SUZ12: variants seen among roughly 807,000 people sequenced by gnomAD.
SUZ12 encodes SUZ12 polycomb repressive complex 2 subunit.
In SUZ12, 17 loss-of-function variants were observed where a neutral mutation model predicts 87.3. The ratio of observed to expected loss-of-function variants is 0.19; its 90% CI spans 0.13 to 0.29. The LOEUF (loss-of-function observed/expected upper bound fraction) is 0.29, where lower values mean the gene tolerates loss of function less well. Ranked by LOEUF, SUZ12 falls within the 10% of genes least tolerant of loss-of-function variation. The probability of loss-of-function intolerance (pLI) is 1.00; values close to 1 mark genes in which losing one functional copy is unlikely to be tolerated. For synonymous variants in SUZ12, 253 were observed against 312.4 expected, an observed-to-expected ratio of 0.81 and a Z score of 2.01; for missense variants, 526 against 912.2, an observed-to-expected ratio of 0.58 and a Z score of 5.45.
intron 1 of SUZ12, 93 bp downstream of exon 1, chr17:31,937,613 C>T: frequency 6.7e-7 from 1 of 1,485,962 alleles, no homozygotes; most frequent in East Asian, 2.6e-5. Context: ...CCTCGGGAGT[C>T]CACTTGTGTG....
chr17:31,964,572 A>G (rs1314529950), intron 4 of SUZ12, among the ~76,000 whole-genome samples: 1 of 151,414 alleles, frequency 6.6e-6, no homozygotes, highest in Non-Finnish European at 1.5e-5. Context: ...ATACCCAGCT[A>G]ATTTTTGTAT....
chr17:31,938,796 G>A (rs1906096718), intron 1 of SUZ12, among the ~76,000 whole-genome samples: 1 of 152,162 alleles, frequency 6.6e-6, no homozygotes, highest in Non-Finnish European at 1.5e-5. Flanking sequence ...AGTTCTTTCT[G>A]AATGTTAAGA....
intron 2 of SUZ12, 25 bp from the exon 3 acceptor site, chr17:31,940,397 A>G (rs1906201490): frequency 6.3e-7 from 1 of 1,583,268 alleles, no homozygotes; most frequent in Non-Finnish European, 8.6e-7. Context: ...ATTCAATTTT[A>G]ACATTTTTAA....
At chr17:31,959,005 G>GA (rs1907539162) in intron 4 of SUZ12, among the ~76,000 whole-genome samples, 1 of 152,168 alleles carries the variant, frequency 6.6e-6, no homozygotes, top group Non-Finnish European at 1.5e-5. Flanking sequence ...GTGACAGAGG[G>GA]AGACTCCGTC....
chr17:31,941,308 G>A (rs1906265288), intron 3 of SUZ12, among the ~76,000 whole-genome samples: 1 of 151,806 alleles, frequency 6.6e-6, no homozygotes, highest in African/African-American at 2.4e-5. Context: ...CCACGCTGGA[G>A]TGTAATGGTG....
chr17:31,980,919 T>C (rs1258366867), intron 8 of SUZ12, among the ~76,000 whole-genome samples: 1 of 152,024 alleles, frequency 6.6e-6, no homozygotes, highest in Non-Finnish European at 1.5e-5. Context: ...GTAATCTTAG[T>C]ACTTTGGAAG....
chr17:31,994,885 C>T (rs557822115), intron 13 of SUZ12, among the ~76,000 whole-genome samples, 164 bp downstream of exon 13: 1 of 152,174 alleles, frequency 6.6e-6, no homozygotes, highest in East Asian at 1.9e-4. Context: ...TTGATAGCTC[C>T]TATTTCTACA....
At position 31,960,279 on chromosome 17, in the gene SUZ12, C is replaced by T. The variant is rs145149995; in HGVS notation, c.456-5868C>T. Among the ~76,000 whole-genome samples the T allele has an allele frequency of 5.2e-3, 792 of 152,058 alleles. 7 individuals carry two copies. The highest frequency in any genetic ancestry group is 0.018 in the African/African-American group (733 of 41,492). On this transcript the variant is annotated intron_variant, in intron 4 of 15. Transcript: ENST00000322652. The stretch of plus-strand genomic sequence containing the variant: ...AGGTTGGAGTGCAGTGATGCAATCT[C>T]GGCTCACTGCAACCTCCGCCTCCCA...
At chr17:31,943,794 A>G (rs1432204956) in intron 3 of SUZ12, among the ~76,000 whole-genome samples, 1 of 151,454 alleles carries the variant, frequency 6.6e-6, no homozygotes, top group Non-Finnish European at 1.5e-5. Context: ...TTCGCCTCCC[A>G]AGTTCAAGCA....
intron 5 of SUZ12, among the ~76,000 whole-genome samples, chr17:31,970,059 A>T (rs1452163735): frequency 1.3e-5 from 2 of 152,184 alleles, no homozygotes; most frequent in South Asian, 4.1e-4. Context: ...CTAGGATTAC[A>T]GGCATGAGCC....
At chr17:31,977,612 C>T (rs945538576) in intron 8 of SUZ12, among the ~76,000 whole-genome samples, 27 of 151,912 alleles carry the variant, frequency 1.8e-4, no homozygotes, top group East Asian at 5.9e-4. Flanking sequence ...GAAAGAAGGC[C>T]GGGCGCAGTG....
intron 5 of SUZ12, among the ~76,000 whole-genome samples, chr17:31,969,355 C>G (rs1908281323): frequency 6.6e-6 from 1 of 152,104 alleles, no homozygotes; most frequent in African/African-American, 2.4e-5. Context: ...CCACGTTGGT[C>G]AGGTTGGTCT....
At position 31,970,974 on chromosome 17, in the gene SUZ12, AAAC is replaced by A. The variant is rs199931576; in HGVS notation, c.506-2169_506-2167del. On this transcript the variant is annotated intron_variant, in intron 5 of 15. Coordinates refer to ENST00000322652, the MANE Select transcript of SUZ12 (RefSeq NM_015355.4). ...ACTGTTAATACCTTTGGGACTTTAA[AAAC>A]AAGTTATGGAGGACTACTCTAGAAC... Among the ~76,000 whole-genome samples, 4 of 152,226 alleles carry A rather than the reference AAAC, an allele frequency of 2.6e-5. No individual in the cohort carries two copies. The East Asian group carries it at 5.8e-4, about 22-fold the overall frequency.
rs59793925 is a variant in SUZ12, at chr17:31,990,121, A to ATTT, written c.1201+1647_1201+1649dup. The stretch of plus-strand genomic sequence containing the variant: ...AGGCGCCGGCCACCATGCCCGGCTA[A>ATTT]TTTTTTTTTTTTTTTTTTTTTTTTT... On this transcript the variant is annotated intron_variant, in intron 10 of 15. Coordinates refer to ENST00000322652, the MANE Select transcript of SUZ12 (RefSeq NM_015355.4). Among the ~76,000 whole-genome samples, 399 of 99,778 alleles carry ATTT rather than the reference A, an allele frequency of 4.0e-3. 7 individuals carry two copies. The highest frequency in any genetic ancestry group is 0.015 in the African/African-American group (319 of 21,606). 65.5% of individuals were successfully genotyped at this position (99,778 alleles called of 152,430 possible). A position where few individuals can be genotyped will look rare whatever the true frequency, so the allele number is the denominator to read the frequency against.
At chr17:31,962,637 A>G (rs147121482) in intron 4 of SUZ12, among the ~76,000 whole-genome samples, 1 of 152,330 alleles carries the variant, frequency 6.6e-6, no homozygotes, top group Non-Finnish European at 1.5e-5. Flanking sequence ...GTGAGAGAAA[A>G]TATCCTCATT....
In SUZ12 at chr17:31,998,709, T is replaced by C. The variant is rs1910110266; in HGVS notation, c.1926T>C (p.Asn642=). 1 of 1,597,370 alleles carries C rather than the reference T, an allele frequency of 6.3e-7. No individual in the cohort carries two copies. Among genetic ancestry groups the C allele is most frequent in the Non-Finnish European group, 8.5e-7 (1 of 1,172,526 alleles). The change falls in exon 16 of 16, where the codon AAT becomes AAC. Residue 642 remains asparagine, a synonymous_variant. Transcript: ENST00000322652. ...MNHACMLFVE[N]YGQKIIKKNL... is the part of the protein sequence containing the mutation. ...ATGCCTGTATGCTGTTTGTAGAAAA[T>C]TATGGACAGAAAATAATTAAGAAGA...
intron 13 of SUZ12, among the ~76,000 whole-genome samples, 192 bp from the exon 14 acceptor site, chr17:31,995,372 A>C (rs1194129499): frequency 6.6e-6 from 1 of 152,218 alleles, no homozygotes; most frequent in Non-Finnish European, 1.5e-5. Context: ...TTGAATTAAT[A>C]TGTAATAGGT....
chr17:31,962,291 G>C (rs181120593), intron 4 of SUZ12, among the ~76,000 whole-genome samples: 1 of 151,924 alleles, frequency 6.6e-6, no homozygotes, highest in Admixed American at 6.6e-5. Flanking sequence ...AAAAATAATT[G>C]AATTAAAACC....
intron 4 of SUZ12, among the ~76,000 whole-genome samples, chr17:31,958,409 A>G (rs1389633162): frequency 1.3e-5 from 2 of 152,182 alleles, no homozygotes; most frequent in East Asian, 3.9e-4. Flanking sequence ...ATTTAGCTGC[A>G]GTTTAAAATC....
Sources: gnomAD v4.1 joint callset for allele counts (sites outside exome capture counted in the v4.1 genomes callset) on GRCh38, gnomAD v4.1.1 for gene constraint, MANE v1.5 for transcripts, NCBI Gene and HGNC (gene_info 2026-07-23, HGNC 2026-07-21) for gene names.